Variants in CPLANE1 observed in about 807,000 individuals in gnomAD.
The protein encoded by CPLANE1 is ciliogenesis and planar polarity effector complex subunit 1.
CPLANE1 carries 263 observed loss-of-function variants against 362.5 expected under a neutral mutation model. That is an observed-to-expected ratio of 0.73 (90% confidence interval 0.66 to 0.80). CPLANE1 has a LOEUF of 0.80. Among genes scored for constraint, CPLANE1 ranks in the 30% least tolerant of loss-of-function variants. The pLI is 0.00. For synonymous variants in CPLANE1, 1,212 were observed against 1,302.6 expected (o/e 0.93, Z 1.50); for missense variants, 3,461 against 3,793.4 (o/e 0.91, Z 2.30).
At chr5:37,211,647 GC>G (rs764276788) in intron 16 of CPLANE1, 45 of 808,318 alleles carry the variant, frequency 5.6e-5, no homozygotes, top group Admixed American at 1.7e-4. Flanking sequence ...ATCACACATT[GC>G]TTCCCCCAGT....
intron 10 of CPLANE1, 62 bp from the exon 11 acceptor site, chr5:37,227,454 C>A: frequency 6.7e-7 from 1 of 1,484,740 alleles, no homozygotes; most frequent in Non-Finnish European, 9.0e-7. Flanking sequence ...CTATTATAAG[C>A]AATTAAAAAT....
intron 43 of CPLANE1, among the ~76,000 whole-genome samples, chr5:37,145,473 G>A (rs997969457): frequency 1.3e-5 from 2 of 152,176 alleles, no homozygotes; most frequent in African/African-American, 2.4e-5. Flanking sequence ...AGGCTGGAGT[G>A]CAGTGGCTAT....
Position 37,209,016 on chromosome 5 carries a change from G to A in CPLANE1, c.2921-2591C>T, listed in dbSNP as rs543550856. On this transcript the variant is annotated intron_variant, in intron 16 of 52. Transcript: ENST00000651892. The surrounding 1 kb of genome is among the most constrained non-coding windows in gnomAD (Gnocchi z 4.6). ...AGAACGGGAAGGCTGTACTGAGCCG[G>A]TCTCGGGAGACGAAGGATGGGATGT... Among the ~76,000 whole-genome samples the A allele has an allele frequency of 3.9e-5, 6 of 152,120 alleles. No homozygotes were observed. The highest frequency in any genetic ancestry group is 1.4e-4 in the African/African-American group (6 of 41,428).
intron 2 of CPLANE1, among the ~76,000 whole-genome samples, chr5:37,246,888 C>A (rs2150849963): frequency 6.6e-6 from 1 of 152,232 alleles, no homozygotes; most frequent in Middle Eastern, 3.4e-3. Flanking sequence ...GCCTGGGCAA[C>A]AGAGCGAGAC....
At chr5:37,242,348 C>T (rs1581036150) in intron 6 of CPLANE1, among the ~76,000 whole-genome samples, 1 of 149,354 alleles carries the variant, frequency 6.7e-6, no homozygotes, top group African/African-American at 2.5e-5. Context: ...AGCAAGACTC[C>T]ATCTCAAAAA....
At chr5:37,118,083 G>A (rs1197005647) in intron 50 of CPLANE1, among the ~76,000 whole-genome samples, 2 of 152,052 alleles carry the variant, frequency 1.3e-5, no homozygotes, top group African/African-American at 4.8e-5. Flanking sequence ...TTTTCTTACT[G>A]TAATTTGTCA....
rs1391071475 is a variant in CPLANE1 at position 37,175,979 on chromosome 5, C to T, written c.5908G>A (p.Glu1970Lys). 4.4e-6 allele frequency: 7 copies of T among 1,609,176 alleles called. No individual in the cohort carries two copies. The highest frequency in any genetic ancestry group is 5.1e-6 in the Non-Finnish European group (6 of 1,176,044). ...EKSTEQKGMI[E>K]AFSHPGHTTP... ...GTATGCCCAGGATGTGAAAAGGCTT[C>T]GATCATACTATCAATAAAAATTAAC... Residue 1970 changes from glutamate (E) to lysine (K), a missense_variant, in exon 31 of 53, where the codon GAA (glutamate) becomes AAA (lysine). Glu to Lys is a moderately conservative substitution (Grantham distance 56, BLOSUM62 1). This residue lies in a region of CPLANE1 where 3,380 missense variants were observed against 3,666.1 expected (regional missense o/e 0.92). Transcript: ENST00000651892.
intron 28 of CPLANE1, 56 bp from the exon 29 acceptor site, chr5:37,179,499 C>A: frequency 9.0e-7 from 1 of 1,107,702 alleles, no homozygotes; most frequent in Non-Finnish European, 1.4e-6. Flanking sequence ...AAGCTATTGA[C>A]TTTTTAGGGG....
chr5:37,208,688 A>C (rs763758991), intron 16 of CPLANE1, among the ~76,000 whole-genome samples: 3,938 of 49,788 alleles, frequency 0.079, 86 homozygotes, highest in Middle Eastern at 0.13. Flanking sequence ...CCCCCCCCCC[A>C]AAAAAAAAAA....
chr5:37,154,315 G>A (rs1001053356), intron 41 of CPLANE1, among the ~76,000 whole-genome samples: 6 of 151,908 alleles, frequency 3.9e-5, no homozygotes, highest in Non-Finnish European at 7.4e-5. Context: ...AACATCACAC[G>A]TTAAAAGCTA....
rs1782226566 is a variant in CPLANE1, at chr5:37,180,021, AT to A, written c.5732del (p.Tyr1911LeufsTer21). 13 of 1,542,478 alleles carry A rather than the reference AT, an allele frequency of 8.4e-6. No homozygotes were observed. Among genetic ancestry groups the A allele is most frequent in the Non-Finnish European group, 1.1e-5 (13 of 1,149,488 alleles). Reference sequence around the variant, plus strand: ...AGATTATCTAAATGAACTGACCTTCATAGTCTGATATGTGCATATCCATTTC... The same window carrying A: ...AGATTATCTAAATGAACTGACCTTCAAGTCTGATATGTGCATATCCATTTC... ...EEEMDMHISD[Y>X]EEDIEESVGG... On this transcript the variant is annotated frameshift_variant, in exon 28 of 53. Transcript: ENST00000651892. LOFTEE classifies it high-confidence loss of function.
chr5:37,170,397 T>C (rs1779449052), intron 32 of CPLANE1, 66 bp from the exon 33 acceptor site: 2 of 1,423,076 alleles, frequency 1.4e-6, no homozygotes, highest in East Asian at 2.3e-5. Context: ...GGAATAACAA[T>C]AATCATCTGA....
At chr5:37,239,244 C>T (rs1179485367) in intron 7 of CPLANE1, among the ~76,000 whole-genome samples, 1 of 152,106 alleles carries the variant, frequency 6.6e-6, no homozygotes, top group Non-Finnish European at 1.5e-5. Flanking sequence ...AAGAACTTTA[C>T]CAATCCACAA....
At chr5:37,088,736 T>G in the CPLANE1 span, among the ~76,000 whole-genome samples, 1 of 152,024 alleles carries the variant, frequency 6.6e-6, no homozygotes, top group Non-Finnish European at 1.5e-5. Context: ...AGGACTGGAC[T>G]TACTCTGCCT....
chr5:37,180,988 G>T lies in CPLANE1; in HGVS notation c.5439C>A (p.Asp1813Glu), dbSNP rs1561517314. 1.2e-6 allele frequency: 2 copies of T among 1,613,794 alleles called. No individual in the cohort carries two copies. The highest frequency in any genetic ancestry group is 4.5e-5 in the East Asian group (2 of 44,872). ...TATTGGGTCCAATCTGACACCCAGT[G>T]TCACGATTCTCTACCATCTAAAGCA... is the stretch of plus-strand genomic sequence containing the variant. ...NAIIKMVENR[D>E]TGCQIGPNIE... The change falls in exon 27 of 53, where the codon GAC (aspartate) becomes GAA (glutamate). Residue 1813 changes from aspartate to glutamate, a missense_variant. Asp to Glu is a conservative substitution (Grantham distance 45). Around this residue, in one of 2 missense-constraint regions of CPLANE1, gnomAD observed 3,380 missense variants for 3,666.1 expected, o/e 0.92. Transcript: ENST00000651892.
chr5:37,174,140 G>A, intron 31 of CPLANE1, among the ~76,000 whole-genome samples, 193 bp from the exon 32 acceptor site: 1 of 152,108 alleles, frequency 6.6e-6, no homozygotes, highest in East Asian at 1.9e-4. Context: ...TTCGTCATCA[G>A]CTCAATTTTC....
At chr5:37,118,093 A>T (rs1036348688) in intron 50 of CPLANE1, among the ~76,000 whole-genome samples, 1 of 152,118 alleles carries the variant, frequency 6.6e-6, no homozygotes, top group African/African-American at 2.4e-5. Flanking sequence ...GTAATTTGTC[A>T]ATCAAAAAAG....
chr5:37,231,753 C>G (rs1320742022), intron 8 of CPLANE1, among the ~76,000 whole-genome samples: 1 of 151,992 alleles, frequency 6.6e-6, no homozygotes, highest in Non-Finnish European at 1.5e-5. Flanking sequence ...TACTCCTTAA[C>G]TATTTCGTGA....
intron 21 of CPLANE1, among the ~76,000 whole-genome samples, chr5:37,194,220 C>T (rs545985888): frequency 7.4e-4 from 112 of 152,072 alleles, no homozygotes; most frequent in Non-Finnish European, 1.1e-3. Flanking sequence ...CCACGCCCAG[C>T]CAGAAAGGAA....
Sources: allele counts gnomAD v4.1 joint callset (sites outside exome capture counted in the v4.1 genomes callset), GRCh38; gene constraint gnomAD v4.1.1; regional missense constraint gnomAD v4.1.1; non-coding constraint Gnocchi (gnomAD v3.1); transcripts MANE v1.5; gene names NCBI Gene and HGNC (gene_info 2026-07-23, HGNC 2026-07-21).